Variants in ADAMTSL1 observed in about 807,000 individuals in gnomAD.
ADAMTSL1 encodes ADAMTS-like protein 1.
In ADAMTSL1, 126 loss-of-function variants were observed where a neutral mutation model predicts 201.8. That is an observed-to-expected ratio of 0.62 (90% CI 0.54 to 0.72). The LOEUF (loss-of-function observed/expected upper bound fraction) is 0.72, where lower values mean the gene tolerates loss of function less well. Ranked by LOEUF, ADAMTSL1 falls within the 30% of genes least tolerant of loss-of-function variation. The pLI is 0.00. For missense variants in ADAMTSL1, 2,679 were observed against 2,277.8 expected, an observed-to-expected ratio of 1.18 and a Z score of -3.59; for synonymous variants, 1,121 against 903.4, an observed-to-expected ratio of 1.24 and a Z score of -4.32.
chr9:18,356,604 AACACAC>A (rs67090987), intron 2 of ADAMTSL1, among the ~76,000 whole-genome samples: 2,025 of 143,520 alleles, frequency 0.014, 40 homozygotes, highest in African/African-American at 0.047. Flanking sequence ...TACACAATAA[AACACAC>A]ACACACACAC....
chr9:18,577,073 G>C (rs1266410440), intron 4 of ADAMTSL1, among the ~76,000 whole-genome samples: 4 of 152,146 alleles, frequency 2.6e-5, no homozygotes, highest in African/African-American at 7.2e-5. Context: ...CAACTCTTAA[G>C]ACCTGTCTTC....
chr9:18,176,900 G>T (rs559709561), intron 2 of ADAMTSL1, among the ~76,000 whole-genome samples: 3 of 152,240 alleles, frequency 2.0e-5, no homozygotes, highest in South Asian at 4.1e-4. Context: ...CAGAAACAGC[G>T]CTTGATTTTA....
intron 23 of ADAMTSL1, among the ~76,000 whole-genome samples, chr9:18,838,421 A>G (rs1401582779): frequency 6.6e-6 from 1 of 150,832 alleles, no homozygotes; most frequent in Non-Finnish European, 1.5e-5. Flanking sequence ...CTAGAGGAGT[A>G]GAAATTGTCC....
chr9:17,998,748 G>A (rs1162213661), intron 1 of ADAMTSL1, among the ~76,000 whole-genome samples: 1 of 152,008 alleles, frequency 6.6e-6, no homozygotes, highest in Non-Finnish European at 1.5e-5. Context: ...CTAGGAGGTA[G>A]GCTTCTGACT....
chr9:18,792,480 G>C (rs1822123061), intron 19 of ADAMTSL1, among the ~76,000 whole-genome samples: 1 of 152,204 alleles, frequency 6.6e-6, no homozygotes, highest in Non-Finnish European at 1.5e-5. Context: ...GTAGGGACAA[G>C]GGAGATGTTT....
chr9:18,798,961 A>C (rs1295831297), intron 20 of ADAMTSL1, among the ~76,000 whole-genome samples: 2 of 151,946 alleles, frequency 1.3e-5, no homozygotes, highest in African/African-American at 4.8e-5. Flanking sequence ...GCTCCTCTCT[A>C]AACTCTTCCA....
intron 3 of ADAMTSL1, among the ~76,000 whole-genome samples, chr9:18,536,664 C>G (rs1404457171): frequency 1.3e-5 from 2 of 152,074 alleles, no homozygotes; most frequent in African/African-American, 4.8e-5. Context: ...TTACAGTTCC[C>G]TGCTCTATTC....
At chr9:18,872,825 A>G (rs767330624) in intron 23 of ADAMTSL1, among the ~76,000 whole-genome samples, 1 of 152,154 alleles carries the variant, frequency 6.6e-6, no homozygotes, top group African/African-American at 2.4e-5. Context: ...CTTTTTATAT[A>G]TAAAGACTTG....
chr9:18,888,126 A>T, intron 24 of ADAMTSL1, 83 bp downstream of exon 24: 2 of 1,399,196 alleles, frequency 1.4e-6, no homozygotes, highest in Non-Finnish European at 2.0e-6. Context: ...GAACAAAGAG[A>T]TTTCTGATCT....
chr9:18,804,526 C>T (rs1025763697), intron 20 of ADAMTSL1, among the ~76,000 whole-genome samples: 2 of 152,150 alleles, frequency 1.3e-5, no homozygotes, highest in African/African-American at 4.8e-5. Flanking sequence ...TTATTTGTAA[C>T]AAAGCAACTC....
intron 2 of ADAMTSL1, among the ~76,000 whole-genome samples, chr9:18,455,852 C>G (rs1820581917): frequency 6.7e-6 from 1 of 148,342 alleles, no homozygotes; most frequent in Non-Finnish European, 1.5e-5. Flanking sequence ...GGAAGGGGTT[C>G]AAGGATCTTA....
chr9:18,848,831 T>C (rs747322745), intron 23 of ADAMTSL1, among the ~76,000 whole-genome samples: 5 of 152,392 alleles, frequency 3.3e-5, no homozygotes, highest in Admixed American at 1.3e-4. Context: ...TGAATGGGTA[T>C]GTCTGTGTTC....
At chr9:18,030,283 A>G (rs1021849441) in intron 1 of ADAMTSL1, among the ~76,000 whole-genome samples, 8 of 152,170 alleles carry the variant, frequency 5.3e-5, no homozygotes, top group Non-Finnish European at 7.3e-5. Context: ...CATTCTCAGC[A>G]AACTATCGCA....
chr9:18,218,815 G>A (rs1020075589), intron 2 of ADAMTSL1, among the ~76,000 whole-genome samples: 2 of 151,802 alleles, frequency 1.3e-5, no homozygotes, highest in African/African-American at 4.8e-5. Flanking sequence ...TAATTCTTGT[G>A]TAAAAACCTC....
intron 2 of ADAMTSL1, among the ~76,000 whole-genome samples, chr9:18,259,531 A>G (rs1288683409): frequency 6.6e-6 from 1 of 151,572 alleles, no homozygotes; most frequent in Non-Finnish European, 1.5e-5. Context: ...AAAAATACAT[A>G]TATCCTTATG....
chr9:18,565,568 GAA>G (rs11339613), intron 3 of ADAMTSL1, among the ~76,000 whole-genome samples: 3,436 of 106,688 alleles, frequency 0.032, 40 homozygotes, highest in Non-Finnish European at 0.042. Flanking sequence ...TCCTAGTTAT[GAA>G]AAAAAAAAAA....
In ADAMTSL1 at chr9:18,886,164, GTGTATATATATATATATATA is replaced by G. The variant is rs552570958; in HGVS notation, c.4250-1665_4250-1646del. On this transcript the variant is annotated intron_variant, in intron 23 of 28. Coordinates refer to ENST00000380548, the MANE Select transcript of ADAMTSL1 (RefSeq NM_001040272.6). The stretch of plus-strand genomic sequence containing the variant: ...TGTATATATACATGTGAGTGTGTAT[GTGTATATATATATATATATA>G]TATATATATATATATATATATATAT... 6.8e-3 allele frequency among the ~76,000 whole-genome samples: 422 copies of G among 62,236 alleles called. 12 individuals carry two copies. Among genetic ancestry groups the G allele is most frequent in the African/African-American group, 0.017 (332 of 19,850 alleles). 40.8% of individuals were successfully genotyped at this position (62,236 alleles called of 152,430 possible).
intron 2 of ADAMTSL1, among the ~76,000 whole-genome samples, chr9:18,454,446 AGACACACCCAGAAATAAT>A (rs1320966159): frequency 6.6e-6 from 1 of 152,296 alleles, no homozygotes; most frequent in East Asian, 1.9e-4. Context: ...ACACCCTCAC[AGACACACCCAGAAATAAT>A]GCTTTACCAG....
chr9:18,716,637 G>T (rs1832956839), intron 14 of ADAMTSL1, among the ~76,000 whole-genome samples: 2 of 141,358 alleles, frequency 1.4e-5, no homozygotes, highest in African/African-American at 5.2e-5. Context: ...TACACTGTTG[G>T]TGGGACTGTA....
Sources: gnomAD v4.1 joint callset for allele counts (sites outside exome capture counted in the v4.1 genomes callset) on GRCh38, gnomAD v4.1.1 for gene constraint, MANE v1.5 for transcripts, NCBI Gene and HGNC (gene_info 2026-07-23, HGNC 2026-07-21) for gene names.